The following CPNE8 variants were observed in gnomAD, a reference collection of about 807,000 sequenced individuals.
CPNE8 encodes copine-8.
In CPNE8, 45 loss-of-function variants were observed where a neutral mutation model predicts 81.5. The observed-to-expected ratio is 0.55, with a 90% confidence interval of 0.44 to 0.71. The LOEUF is 0.71. Among genes scored for constraint, CPNE8 ranks in the 30% least tolerant of loss-of-function variants. The probability of loss-of-function intolerance (pLI) is 0.00; values close to 1 mark genes in which losing one functional copy is unlikely to be tolerated. For missense variants in CPNE8, 594 were observed against 672.1 expected, an observed-to-expected ratio of 0.88 and a Z score of 1.28; for synonymous variants, 252 against 226.3, an observed-to-expected ratio of 1.11 and a Z score of -1.02.
chr12:38,726,669 A>T (rs1017640398), intron 11 of CPNE8: 1 of 152,196 alleles, frequency 6.6e-6, no homozygotes, highest in Non-Finnish European at 1.5e-5. Flanking sequence ...TCAGTGATAC[A>T]TTTTTCTCGA....
intron 10 of CPNE8, among the ~76,000 whole-genome samples, chr12:38,757,751 A>C (rs1941489910): frequency 6.6e-6 from 1 of 152,074 alleles, no homozygotes; most frequent in Non-Finnish European, 1.5e-5. Context: ...TCAAACATTA[A>C]AAAGGTATTA....
intron 8 of CPNE8, among the ~76,000 whole-genome samples, chr12:38,763,457 T>A (rs771550043): frequency 1.3e-5 from 2 of 152,210 alleles, no homozygotes; most frequent in African/African-American, 2.4e-5. Context: ...AGGGCCCATT[T>A]AAGTTTAACA....
chr12:38,871,855 G>T (rs973809535), intron 3 of CPNE8, among the ~76,000 whole-genome samples: 2 of 152,188 alleles, frequency 1.3e-5, no homozygotes, highest in Non-Finnish European at 1.5e-5. Flanking sequence ...ATAGAAATGA[G>T]CTGGGCGTGG....
intron 5 of CPNE8, among the ~76,000 whole-genome samples, chr12:38,831,665 T>C (rs1943287627): frequency 6.6e-6 from 1 of 152,226 alleles, no homozygotes; most frequent in African/African-American, 2.4e-5. Context: ...TTAAACACCT[T>C]TCATAATGGC....
intron 15 of CPNE8, among the ~76,000 whole-genome samples, chr12:38,689,570 A>T (rs1263308945): frequency 6.6e-6 from 1 of 152,256 alleles, no homozygotes; most frequent in South Asian, 2.1e-4. Context: ...TTTTATATAC[A>T]GTACAGTGTT....
At chr12:38,681,628 G>A (rs1939411368) in intron 16 of CPNE8, among the ~76,000 whole-genome samples, 1 of 152,148 alleles carries the variant, frequency 6.6e-6, no homozygotes, top group Non-Finnish European at 1.5e-5. Context: ...CATCCAATTA[G>A]TTGAAGGCTT....
rs576340886 is a variant in CPNE8 at position 38,768,340 on chromosome 12, T to C, written c.472-602A>G. Among the ~76,000 whole-genome samples the C allele has an allele frequency of 2.6e-5, 4 of 152,298 alleles. No homozygotes were observed. In the East Asian group the frequency reaches 5.8e-4, roughly 22 times the overall value. On this transcript the variant is annotated intron_variant, in intron 7 of 19. Transcript: ENST00000331366. ...ATTACAATTTGCATGTTAATTATTA[T>C]GTCAAATCGATCATTTAAACCAATT...
At position 38,725,338 on chromosome 12, in the gene CPNE8, T is replaced by C. The variant is rs568447358; in HGVS notation, c.799-439A>G. The stretch of plus-strand genomic sequence containing the variant: ...ATCTATTGACCTCACTATTGCTTTA[T>C]AATGTTAGTAATTTCCACCAGTTTC... On this transcript the variant is annotated intron_variant, in intron 11 of 19. Coordinates refer to ENST00000331366, the MANE Select transcript of CPNE8 (RefSeq NM_153634.3). 1.4e-4 allele frequency among the ~76,000 whole-genome samples: 22 copies of C among 152,330 alleles called. No homozygotes were observed. The East Asian group carries it at 3.9e-3, about 27-fold the overall frequency.
At chr12:38,764,862 A>AAG (rs150812861) in intron 8 of CPNE8, among the ~76,000 whole-genome samples, 19 of 149,988 alleles carry the variant, frequency 1.3e-4, no homozygotes, top group South Asian at 4.2e-4. Flanking sequence ...AGATGACAGG[A>AAG]AGAGAGAGAG....
At chr12:38,664,533 C>A (rs1328063662) in intron 19 of CPNE8, among the ~76,000 whole-genome samples, 1 of 152,064 alleles carries the variant, frequency 6.6e-6, no homozygotes, top group Non-Finnish European at 1.5e-5. Flanking sequence ...AGTACAGTAT[C>A]AGTTATACAG....
At chr12:38,812,104 C>T (rs1387523924) in intron 6 of CPNE8, among the ~76,000 whole-genome samples, 3 of 152,070 alleles carry the variant, frequency 2.0e-5, no homozygotes, top group Non-Finnish European at 4.4e-5. Flanking sequence ...AAAAATGGGG[C>T]AATAATCATG....
intron 6 of CPNE8, among the ~76,000 whole-genome samples, chr12:38,808,388 A>T (rs1317693283): frequency 1.3e-5 from 2 of 152,078 alleles, no homozygotes; most frequent in African/African-American, 2.4e-5. Flanking sequence ...GATTAAGAAA[A>T]TGTGGCACAT....
chr12:38,885,321 G>A (rs1447544056), intron 1 of CPNE8, among the ~76,000 whole-genome samples: 1 of 152,096 alleles, frequency 6.6e-6, no homozygotes, highest in Non-Finnish European at 1.5e-5. Flanking sequence ...ACTTAAAGAA[G>A]TGAATTGGCA....
At chr12:38,902,320 GAAAGAAAGAAAGAAA>G (rs1944481980) in intron 1 of CPNE8, among the ~76,000 whole-genome samples, 637 of 58,730 alleles carry the variant, frequency 0.011, 50 homozygotes, top group African/African-American at 0.036. Context: ...AGGAAGGAAA[GAAAGAAAGAAAGAAA>G]GAAAGAAAGA....
chr12:38,716,734 G>T (rs1188638347), intron 13 of CPNE8, among the ~76,000 whole-genome samples: 2 of 152,030 alleles, frequency 1.3e-5, no homozygotes, highest in Non-Finnish European at 1.5e-5. Flanking sequence ...CTTAGGCAAA[G>T]AATTCATGAC....
rs186778194 is a variant in CPNE8 at position 38,704,229 on chromosome 12, C to T, written c.915-1308G>A. Among the ~76,000 whole-genome samples the T allele has an allele frequency of 3.1e-4, 47 of 152,212 alleles. No homozygotes were observed. In the South Asian group the frequency reaches 9.3e-3, roughly 30 times the overall value. On this transcript the variant is annotated intron_variant, in intron 13 of 19. Transcript: ENST00000331366. ...ACACAATATATCCAGGTAACAAACA[C>T]GCACATGTAATTCTTGAATCTAAAA...
At chr12:38,857,728 T>C (rs911095445) in intron 3 of CPNE8, among the ~76,000 whole-genome samples, 1 of 152,082 alleles carries the variant, frequency 6.6e-6, no homozygotes, top group African/African-American at 2.4e-5. Context: ...CTGGCCAACA[T>C]GGCGAACCCC....
At chr12:38,776,989 T>C (rs531284003) in intron 6 of CPNE8, among the ~76,000 whole-genome samples, 8 of 151,964 alleles carry the variant, frequency 5.3e-5, no homozygotes, top group Non-Finnish European at 1.0e-4. Context: ...TACTATACTT[T>C]TTATCATTAT....
At chr12:38,659,123 C>T (rs1468742569) in intron 19 of CPNE8, among the ~76,000 whole-genome samples, 1 of 151,782 alleles carries the variant, frequency 6.6e-6, no homozygotes, top group Admixed American at 6.6e-5. Context: ...TAGTCAAGAC[C>T]CATCAGTGTC....
Sources: allele counts gnomAD v4.1 joint callset (sites outside exome capture counted in the v4.1 genomes callset), GRCh38; gene constraint gnomAD v4.1.1; transcripts MANE v1.5; gene names NCBI Gene and HGNC (gene_info 2026-07-23, HGNC 2026-07-21).